The following CALN1 variants were observed in gnomAD, a reference collection of about 807,000 sequenced individuals.
CALN1 encodes the protein calcium-binding protein 8.
CALN1 carries 17 observed loss-of-function variants against 30.6 expected under a neutral mutation model. That is an observed-to-expected ratio of 0.56 (90% confidence interval 0.38 to 0.83). CALN1 has a LOEUF of 0.83. CALN1 is among the 40% of genes least tolerant of loss of function. CALN1 has a pLI of 0.00. For synonymous variants in CALN1, 156 were observed against 131.4 expected (o/e 1.19, Z -1.28); for missense variants, 291 against 354.9 (o/e 0.82, Z 1.45).
chr7:72,459,804 G>A, the CALN1 span, among the ~76,000 whole-genome samples: 1 of 152,162 alleles, frequency 6.6e-6, no homozygotes, highest in Non-Finnish European at 1.5e-5. Flanking sequence ...ATACAGGCGT[G>A]CAAGATACTA....
intron 3 of CALN1, among the ~76,000 whole-genome samples, chr7:72,230,972 G>T (rs952950123): frequency 6.6e-6 from 1 of 152,058 alleles, no homozygotes; most frequent in African/African-American, 2.4e-5. Flanking sequence ...TCCAAGGAGC[G>T]TGATGAAATC....
In CALN1 at chr7:71,821,045, C is replaced by T. The variant is rs116346436; in HGVS notation, c.502-10553G>A. On this transcript the variant is annotated intron_variant, in intron 5 of 6. Transcript: ENST00000395275. ...AAGGCTACACGTTAAATTTTGGATGCATTCTTTGAAGGTTCCTGAGGGACA... is the reference window on the plus strand; with the variant it reads ...AAGGCTACACGTTAAATTTTGGATGTATTCTTTGAAGGTTCCTGAGGGACA... Among the ~76,000 whole-genome samples, 715 of 152,254 alleles carry T rather than the reference C, an allele frequency of 4.7e-3. 4 individuals are homozygous for T. The highest frequency in any genetic ancestry group is 0.016 in the African/African-American group (678 of 41,542).
intron 3 of CALN1, among the ~76,000 whole-genome samples, chr7:72,113,810 T>C (rs997611762): frequency 3.9e-5 from 6 of 152,216 alleles, no homozygotes; most frequent in Non-Finnish European, 5.9e-5. Flanking sequence ...CCCTTTCATG[T>C]AGGCCACAGG....
intron 2 of CALN1, among the ~76,000 whole-genome samples, chr7:72,356,102 G>A (rs1803207057): frequency 6.6e-6 from 1 of 152,110 alleles, no homozygotes; most frequent in Admixed American, 6.6e-5. Context: ...CCATAGATAT[G>A]CACAATTATT....
At chr7:72,369,924 T>C (rs532559536) in intron 2 of CALN1, among the ~76,000 whole-genome samples, 1 of 152,334 alleles carries the variant, frequency 6.6e-6, no homozygotes, top group African/African-American at 2.4e-5. Context: ...AAGCTGCAAT[T>C]AGTAGTCATG....
At chr7:72,195,705 C>T (rs778819730) in intron 3 of CALN1, among the ~76,000 whole-genome samples, 3 of 152,134 alleles carry the variant, frequency 2.0e-5, no homozygotes, top group Non-Finnish European at 2.9e-5. Context: ...TTCATCAACC[C>T]ATTCTTGGTG....
At chr7:71,872,030 A>C (rs1791963506) in intron 5 of CALN1, among the ~76,000 whole-genome samples, 1 of 152,224 alleles carries the variant, frequency 6.6e-6, no homozygotes, top group African/African-American at 2.4e-5. Flanking sequence ...TAACGCAATA[A>C]GATAACTTTT....
intron 1 of CALN1, among the ~76,000 whole-genome samples, 171 bp downstream of exon 1, chr7:72,411,887 C>G (rs1308025677): frequency 1.3e-5 from 2 of 150,594 alleles, no homozygotes; most frequent in Non-Finnish European, 2.9e-5. Flanking sequence ...TGAAGCAACT[C>G]TCTTTTAGAG....
chr7:72,413,719 CACTTAT>C (rs749093571), upstream of CALN1, among the ~76,000 whole-genome samples: 2 of 152,002 alleles, frequency 1.3e-5, no homozygotes, highest in African/African-American at 2.4e-5. Context: ...TATACACTTA[CACTTAT>C]ACACACACGC....
At chr7:72,165,624 A>C (rs568028504) in intron 3 of CALN1, among the ~76,000 whole-genome samples, 1 of 152,210 alleles carries the variant, frequency 6.6e-6, no homozygotes, top group South Asian at 2.1e-4. Flanking sequence ...GCAAACAAAG[A>C]AAAGCGAAAA....
intron 5 of CALN1, among the ~76,000 whole-genome samples, chr7:71,993,050 T>G (rs1008552501): frequency 6.6e-6 from 1 of 151,442 alleles, no homozygotes; most frequent in Non-Finnish European, 1.5e-5. Context: ...GAAAGGCTTT[T>G]TTTTGCTACC....
chr7:71,867,512 G>A (rs1391950815), intron 5 of CALN1, among the ~76,000 whole-genome samples: 1 of 152,004 alleles, frequency 6.6e-6, no homozygotes, highest in Non-Finnish European at 1.5e-5. Flanking sequence ...TCGGCTCATT[G>A]CAACCTCCAC....
At chr7:72,283,615 G>T (rs1347645821) in intron 2 of CALN1, among the ~76,000 whole-genome samples, 1 of 152,208 alleles carries the variant, frequency 6.6e-6, no homozygotes, top group African/African-American at 2.4e-5. Flanking sequence ...TATTTGCTAA[G>T]GATCATATGA....
Position 72,356,150 on chromosome 7 carries a change from T to C in CALN1, c.119+47101A>G, listed in dbSNP as rs1261205687. Among the ~76,000 whole-genome samples, 8 of 152,132 alleles carry C rather than the reference T, an allele frequency of 5.3e-5. No homozygotes were observed. The East Asian group carries it at 1.2e-3, about 22-fold the overall frequency. On this transcript the variant is annotated intron_variant, in intron 2 of 6. Coordinates refer to ENST00000395275, the MANE Select transcript of CALN1 (RefSeq NM_031468.4). ...AAAATGATAATTTAAAAGTTAAAGA[T>C]TGTGGTTAAAATTTTGTAAAAGGAA...
At chr7:71,993,495 C>G (rs1799070947) in intron 5 of CALN1, among the ~76,000 whole-genome samples, 1 of 147,894 alleles carries the variant, frequency 6.8e-6, no homozygotes, top group Admixed American at 6.9e-5. Context: ...CTCACTCTGT[C>G]ACCCAGGCTG....
At chr7:72,448,303 C>T (rs1009142659), upstream of CALN1, among the ~76,000 whole-genome samples, 5 of 152,208 alleles carry the variant, frequency 3.3e-5, no homozygotes, top group Non-Finnish European at 7.3e-5. Flanking sequence ...AACGTAGCCA[C>T]AGGGATGAGG....
chr7:72,256,038 T>G (rs1406125257), intron 3 of CALN1, among the ~76,000 whole-genome samples: 1 of 152,236 alleles, frequency 6.6e-6, no homozygotes, highest in African/African-American at 2.4e-5. Context: ...TAAATAAATA[T>G]TCTTTAAGGA....
intron 3 of CALN1, among the ~76,000 whole-genome samples, chr7:72,179,190 C>T (rs1169654461): frequency 6.6e-6 from 1 of 152,124 alleles, no homozygotes; most frequent in African/African-American, 2.4e-5. Flanking sequence ...AGTAACAAAA[C>T]GAAGTAGATA....
At chr7:71,818,700 A>G (rs1394987726) in intron 5 of CALN1, among the ~76,000 whole-genome samples, 2 of 147,920 alleles carry the variant, frequency 1.4e-5, no homozygotes, top group East Asian at 2.0e-4. Flanking sequence ...TTATTTATTT[A>G]TTTATTTATT....
Sources: gnomAD v4.1 joint callset for allele counts (sites outside exome capture counted in the v4.1 genomes callset) on GRCh38, gnomAD v4.1.1 for gene constraint, MANE v1.5 for transcripts, NCBI Gene and HGNC (gene_info 2026-07-23, HGNC 2026-07-21) for gene names.